PPM1L: variants seen among roughly 807,000 people sequenced by gnomAD.
The protein encoded by PPM1L is protein phosphatase 1L.
PPM1L carries 13 observed loss-of-function variants against 31.4 expected under a neutral mutation model. That is an observed-to-expected ratio of 0.41 (90% confidence interval 0.27 to 0.66). The LOEUF (loss-of-function observed/expected upper bound fraction) is 0.66, where lower values mean the gene tolerates loss of function less well. PPM1L is among the 30% of genes least tolerant of loss of function. PPM1L has a pLI of 0.29. For missense variants in PPM1L, 326 were observed against 453.7 expected (o/e 0.72, Z 2.56); for synonymous variants, 184 against 175.4 (o/e 1.05, Z -0.39).
chr3:160,908,381 G>T lies in PPM1L; in HGVS notation c.400-53355G>T, dbSNP rs569078764. Among the ~76,000 whole-genome samples the T allele has an allele frequency of 6.6e-5, 10 of 152,280 alleles. No homozygotes were observed. In the South Asian group the frequency reaches 2.1e-3, roughly 32 times the overall value. Reference sequence around the variant, plus strand: ...ATTTGGAACTATAAAAATAAATACAGTGTTGTTCACACAAACAAATAATTT... The same window carrying T: ...ATTTGGAACTATAAAAATAAATACATTGTTGTTCACACAAACAAATAATTT... On this transcript the variant is annotated intron_variant, in intron 1 of 3. Transcript: ENST00000498165.
chr3:160,961,685 A>G, intron 1 of PPM1L, 51 bp from the exon 2 acceptor site: 1 of 1,506,960 alleles, frequency 6.6e-7, no homozygotes, highest in East Asian at 2.4e-5. Flanking sequence ...TAAAAAGTCT[A>G]AGGGGAGAAT....
At chr3:161,027,411 C>T (rs954141127) in intron 2 of PPM1L, among the ~76,000 whole-genome samples, 3 of 152,192 alleles carry the variant, frequency 2.0e-5, no homozygotes, top group Admixed American at 6.5e-5. Flanking sequence ...GTTTAATGGA[C>T]GTACAGTTAG....
At chr3:160,967,819 C>G (rs554492254) in intron 2 of PPM1L, among the ~76,000 whole-genome samples, 3 of 152,022 alleles carry the variant, frequency 2.0e-5, no homozygotes, top group Non-Finnish European at 4.4e-5. Flanking sequence ...ATATACGTGA[C>G]CTTGAGCAAG....
intron 1 of PPM1L, among the ~76,000 whole-genome samples, chr3:160,846,328 T>C (rs1714073493): frequency 6.6e-6 from 1 of 152,244 alleles, no homozygotes; most frequent in South Asian, 2.1e-4. Flanking sequence ...TGTGGTTTTG[T>C]TGCCTCTTTG....
intron 2 of PPM1L, among the ~76,000 whole-genome samples, chr3:161,008,877 G>A (rs923934854): frequency 6.6e-6 from 1 of 152,134 alleles, no homozygotes; most frequent in Non-Finnish European, 1.5e-5. Context: ...TGAGTTTTAC[G>A]CTCAGTGGAC....
At chr3:160,796,790 G>A (rs914020705) in intron 1 of PPM1L, among the ~76,000 whole-genome samples, 2 of 152,172 alleles carry the variant, frequency 1.3e-5, no homozygotes, top group Non-Finnish European at 2.9e-5. Context: ...TAAGAGTATG[G>A]AATAAAAGAG....
intron 2 of PPM1L, among the ~76,000 whole-genome samples, chr3:160,999,938 T>C (rs1009298437): frequency 2.0e-5 from 3 of 152,136 alleles, no homozygotes; most frequent in African/African-American, 7.2e-5. Flanking sequence ...CGGCTGAAAA[T>C]CTTGGATATT....
chr3:160,767,446 G>C (rs1475228144), intron 1 of PPM1L, among the ~76,000 whole-genome samples: 1 of 151,926 alleles, frequency 6.6e-6, no homozygotes, highest in Middle Eastern at 3.2e-3. Context: ...TGTTACCCAG[G>C]CTGATCTTGA....
chr3:160,822,469 C>G (rs1713228400), intron 1 of PPM1L, among the ~76,000 whole-genome samples: 1 of 151,866 alleles, frequency 6.6e-6, no homozygotes, highest in Non-Finnish European at 1.5e-5. Flanking sequence ...ATATGTATAA[C>G]AAGAGTGTTT....
At chr3:160,883,077 A>G (rs929223903) in intron 1 of PPM1L, among the ~76,000 whole-genome samples, 10 of 152,238 alleles carry the variant, frequency 6.6e-5, no homozygotes, top group African/African-American at 2.4e-4. Context: ...GTAGCACTTA[A>G]TCACTCATTT....
At chr3:161,048,653 C>T (rs1381990698) in intron 2 of PPM1L, among the ~76,000 whole-genome samples, 2 of 152,032 alleles carry the variant, frequency 1.3e-5, no homozygotes, top group African/African-American at 2.4e-5. Flanking sequence ...CGGCATTATT[C>T]ACAATAGCAA....
At chr3:160,979,040 T>C (rs951707749) in intron 2 of PPM1L, among the ~76,000 whole-genome samples, 1 of 151,984 alleles carries the variant, frequency 6.6e-6, no homozygotes, top group African/African-American at 2.4e-5. Flanking sequence ...ATATTGCATA[T>C]AGCAGAAGAT....
At chr3:161,045,445 C>A (rs904394538) in intron 2 of PPM1L, among the ~76,000 whole-genome samples, 1 of 152,196 alleles carries the variant, frequency 6.6e-6, no homozygotes, top group African/African-American at 2.4e-5. Flanking sequence ...TGCAATCAAA[C>A]TACAACTCAG....
intron 1 of PPM1L, among the ~76,000 whole-genome samples, chr3:160,887,352 A>G (rs1712950548): frequency 6.6e-6 from 1 of 152,068 alleles, no homozygotes; most frequent in South Asian, 2.1e-4. Context: ...TTCAGGAAAT[A>G]CAGAGAACAC....
chr3:160,864,336 G>A (rs911888180), intron 1 of PPM1L, among the ~76,000 whole-genome samples: 2 of 151,898 alleles, frequency 1.3e-5, no homozygotes, highest in Non-Finnish European at 2.9e-5. Context: ...ATAGGCACTT[G>A]ACTAATTTTT....
chr3:161,036,004 A>G (rs1177489160), intron 2 of PPM1L: 1 of 152,272 alleles, frequency 6.6e-6, no homozygotes, highest in African/African-American at 2.4e-5. Flanking sequence ...CCAGCAAGTC[A>G]GCAAGTCCAA....
At chr3:161,009,089 A>C (rs1024789176) in intron 2 of PPM1L, among the ~76,000 whole-genome samples, 15 of 152,174 alleles carry the variant, frequency 9.9e-5, no homozygotes, top group Non-Finnish European at 8.8e-5. Context: ...TGTGGGAGAT[A>C]ATTGTTTTCT....
At chr3:160,894,484 C>T (rs965048455) in intron 1 of PPM1L, among the ~76,000 whole-genome samples, 1 of 152,086 alleles carries the variant, frequency 6.6e-6, no homozygotes, top group African/African-American at 2.4e-5. Context: ...CCTCACACAC[C>T]ACAAAGCTTG....
Position 160,927,637 on chromosome 3 carries a change from T to TGCGTGCGCGC in PPM1L, c.400-34096_400-34087dup, listed in dbSNP as rs1714643930. On this transcript the variant is annotated intron_variant, in intron 1 of 3. Coordinates refer to ENST00000498165, the MANE Select transcript of PPM1L (RefSeq NM_139245.4). The stretch of plus-strand genomic sequence containing the variant: ...GTGTGTGTGTGTGTGTGCGTGCGTG[T>TGCGTGCGCGC]GCGTGCGCGCGCATGCACGTAAATG... 2.0e-5 allele frequency among the ~76,000 whole-genome samples: 3 copies of TGCGTGCGCGC among 152,054 alleles called. No homozygotes were observed. In the South Asian group the frequency reaches 6.2e-4, roughly 32 times the overall value.
Sources: allele counts gnomAD v4.1 joint callset (sites outside exome capture counted in the v4.1 genomes callset), GRCh38; gene constraint gnomAD v4.1.1; transcripts MANE v1.5; gene names NCBI Gene and HGNC (gene_info 2026-07-23, HGNC 2026-07-21).